The following ANK1 variants were observed in gnomAD, a reference collection of about 807,000 sequenced individuals.
ANK1 encodes ankyrin 1.
A neutral mutation model predicts 210.4 loss-of-function variants in ANK1; 51 were observed. The observed-to-expected ratio is 0.24, with a 90% CI of 0.19 to 0.31. The LOEUF (loss-of-function observed/expected upper bound fraction) is 0.31. Ranked by LOEUF, ANK1 falls within the 10% of genes least tolerant of loss-of-function variation. ANK1 has a pLI of 1.00. For synonymous variants in ANK1, 967 were observed against 1,025.9 expected (o/e 0.94, Z 1.10); for missense variants, 2,051 against 2,504.4 (o/e 0.82, Z 3.86).
At chr8:41,657,437 G>A (rs1806138142) in intron 42 of ANK1, among the ~76,000 whole-genome samples, 2 of 152,200 alleles carry the variant, frequency 1.3e-5, no homozygotes, top group African/African-American at 4.8e-5. Context: ...TTGTATGAAT[G>A]CAAACAATTA....
At chr8:41,882,349 AG>A (rs1247399046) in intron 1 of ANK1, among the ~76,000 whole-genome samples, 1 of 152,102 alleles carries the variant, frequency 6.6e-6, no homozygotes, top group Non-Finnish European at 1.5e-5. Flanking sequence ...GCCACAGTAG[AG>A]GGTTCCAGCT....
intron 1 of ANK1, among the ~76,000 whole-genome samples, chr8:41,819,359 A>C (rs1803832982): frequency 6.6e-6 from 1 of 152,242 alleles, no homozygotes; most frequent in Non-Finnish European, 1.5e-5. Context: ...TTTTCAAAGA[A>C]AGACCCAGAG....
At chr8:41,745,150 G>A (rs11784487) in intron 2 of ANK1, among the ~76,000 whole-genome samples, 36,854 of 151,962 alleles carry the variant, frequency 0.24, 4,945 homozygotes, top group Middle Eastern at 0.35. Context: ...GAAAGGGAGC[G>A]GAGGGAGAAA....
Position 41,797,494 on chromosome 8 carries a change from C to G in ANK1, c.27+18G>C, listed in dbSNP as rs760555719. The G allele has an allele frequency of 3.1e-6, 5 of 1,611,648 alleles. No individual in the cohort carries two copies. Among genetic ancestry groups the G allele is most frequent in the Non-Finnish European group, 4.2e-6 (5 of 1,178,284 alleles). On this transcript the variant is annotated intron_variant, in intron 1 of 42. Transcript: ENST00000289734. The surrounding 1 kb of genome is among the most constrained non-coding windows in gnomAD (Gnocchi z 4.0). ...CCTGACATCTCCCCGTCCACCCGAG[C>G]AGCCGCCCAGTACTCACTTCGCGGA...
At chr8:41,721,684 A>G (rs1199225162) in intron 9 of ANK1, among the ~76,000 whole-genome samples, 1 of 140,140 alleles carries the variant, frequency 7.1e-6, no homozygotes, top group Non-Finnish European at 1.6e-5. Context: ...AAAAAAAAAA[A>G]AGAACCAACC....
chr8:41,797,179 T>G lies in ANK1; in HGVS notation c.27+333A>C, dbSNP rs1184406161. On this transcript the variant is annotated intron_variant, in intron 1 of 42. Coordinates refer to ENST00000289734, the MANE Select transcript of ANK1 (RefSeq NM_000037.4). The surrounding 1 kb of genome is among the most constrained non-coding windows in gnomAD (Gnocchi z 4.0). Reference sequence around the variant, plus strand: ...GACTCAAAGGAAAGCCTCTAAGATCTCAATAGATTTGGACTATAATCCAAA... The same window carrying G: ...GACTCAAAGGAAAGCCTCTAAGATCGCAATAGATTTGGACTATAATCCAAA... Among the ~76,000 whole-genome samples, 2 of 152,096 alleles carry G rather than the reference T, an allele frequency of 1.3e-5. No homozygotes were observed. Among genetic ancestry groups the G allele is most frequent in the Non-Finnish European group, 2.9e-5 (2 of 68,026 alleles).
At chr8:41,766,587 C>T (rs11774972) in intron 1 of ANK1, among the ~76,000 whole-genome samples, 46,648 of 152,112 alleles carry the variant, frequency 0.31, 7,851 homozygotes, top group Middle Eastern at 0.41. Context: ...CCCTGGGGTT[C>T]CCTGTGCTGT....
In ANK1 at chr8:41,690,366, G is replaced by A. The variant is rs1429454021; in HGVS notation, c.3985-20C>T. On this transcript the variant is annotated intron_variant, in intron 32 of 42. Coordinates refer to ENST00000289734, the MANE Select transcript of ANK1 (RefSeq NM_000037.4). Reference sequence around the variant, plus strand: ...CCTCACCTAAACTCAATCACACAAAGGAGAATTCAGGGGCCCTTTTCTAGG... The same window carrying A: ...CCTCACCTAAACTCAATCACACAAAAGAGAATTCAGGGGCCCTTTTCTAGG... The A allele has an allele frequency of 1.9e-6, 3 of 1,614,130 alleles. No individual in the cohort carries two copies. The highest frequency in any genetic ancestry group is 2.5e-6 in the Non-Finnish European group (3 of 1,180,058).
In ANK1 at chr8:41,694,925, G is replaced by T; in HGVS notation, c.3116-122C>A. 2 of 1,159,522 alleles carry T rather than the reference G, an allele frequency of 1.7e-6. No homozygotes were observed. The highest frequency in any genetic ancestry group is 1.3e-6 in the Non-Finnish European group (1 of 793,310). 71.8% of individuals were successfully genotyped at this position (1,159,522 alleles called of 1,614,324 possible). A position where few individuals can be genotyped will look rare whatever the true frequency, so the allele number is the denominator to read the frequency against. On this transcript the variant is annotated intron_variant, in intron 27 of 42. Coordinates refer to ENST00000289734, the MANE Select transcript of ANK1 (RefSeq NM_000037.4). The surrounding 1 kb of genome is among the most constrained non-coding windows in gnomAD (Gnocchi z 5.7). ...CACACACCCTCCCCAGGTGCCGGGCGGCATAGTGGCCAGAAGAAGTGGCCA... is the reference window on the plus strand; with the variant it reads ...CACACACCCTCCCCAGGTGCCGGGCTGCATAGTGGCCAGAAGAAGTGGCCA...
intron 1 of ANK1, among the ~76,000 whole-genome samples, chr8:41,768,051 G>A (rs1367535121): frequency 1.3e-5 from 2 of 152,208 alleles, no homozygotes; most frequent in African/African-American, 4.8e-5. Flanking sequence ...TGACGCTGGC[G>A]GTTAACTAGC....
At position 41,692,828 on chromosome 8, in the gene ANK1, G is replaced by A. The variant is rs1437718522; in HGVS notation, c.3678C>T (p.Ala1226=). Residue 1226 remains alanine (A), a synonymous_variant, in exon 31 of 43, where the codon GCC becomes GCT. Transcript: ENST00000289734. The stretch of plus-strand genomic sequence containing the variant: ...CAGTGAGCTCTTTGTACAGCAGGGT[G>A]GCAAAGTTCACAGCCTCAGCAGTCC... ...CPRTAEAVNF[A]TLLYKELTAV... The A allele has an allele frequency of 5.0e-6, 8 of 1,614,134 alleles. No homozygotes were observed. Among genetic ancestry groups the A allele is most frequent in the Non-Finnish European group, 6.8e-6 (8 of 1,180,034 alleles).
chr8:41,660,376 C>T (rs921541143), intron 42 of ANK1: 56 of 467,350 alleles, frequency 1.2e-4, no homozygotes, highest in Non-Finnish European at 1.8e-4. Flanking sequence ...TGAATGGTAA[C>T]GGCCTGGTTA....
chr8:41,725,627 G>A, intron 6 of ANK1, 134 bp downstream of exon 6: 1 of 1,250,184 alleles, frequency 8.0e-7, no homozygotes. Flanking sequence ...GCGTCCTGGG[G>A]TGAGGGCGCT....
intron 20 of ANK1, among the ~76,000 whole-genome samples, chr8:41,702,621 G>A (rs1039475161): frequency 3.3e-5 from 5 of 152,166 alleles, no homozygotes; most frequent in African/African-American, 9.7e-5. Context: ...CAGAATACTC[G>A]GAAATCACAA....
At chr8:41,671,310 A>G (rs1812204775) in intron 38 of ANK1, among the ~76,000 whole-genome samples, 1 of 152,176 alleles carries the variant, frequency 6.6e-6, no homozygotes, top group Admixed American at 6.5e-5. Flanking sequence ...CAGCTCCGTC[A>G]CATGCAGGCT....
chr8:41,852,276 G>T (rs887125713), intron 1 of ANK1, among the ~76,000 whole-genome samples: 1 of 152,206 alleles, frequency 6.6e-6, no homozygotes, highest in African/African-American at 2.4e-5. Flanking sequence ...CAGATGCTGG[G>T]TCATAAAGGG....
At chr8:41,801,450 T>A (rs1284626902), upstream of ANK1, among the ~76,000 whole-genome samples, 1 of 152,232 alleles carries the variant, frequency 6.6e-6, no homozygotes, top group East Asian at 1.9e-4. Flanking sequence ...ACTGACTTGT[T>A]TTTGAAATTG....
At position 41,663,122 on chromosome 8, in the gene ANK1, G is replaced by C. The variant is rs1229487600; in HGVS notation, c.5478+537C>G. On this transcript the variant is annotated intron_variant, in intron 40 of 42. Transcript: ENST00000289734. ...TGTCTCTCTCTCTCTCTCTGTGTGTGTGTGTGTGTGTGTGTGTGTATTTAT... is the reference window on the plus strand; with the variant it reads ...TGTCTCTCTCTCTCTCTCTGTGTGTCTGTGTGTGTGTGTGTGTGTATTTAT... Among the ~76,000 whole-genome samples, 83 of 150,136 alleles carry C rather than the reference G, an allele frequency of 5.5e-4. No individual in the cohort carries two copies. In the East Asian group the frequency reaches 0.012, roughly 22 times the overall value.
chr8:41,808,947 A>G (rs923648332), intron 1 of ANK1, among the ~76,000 whole-genome samples: 8 of 152,164 alleles, frequency 5.3e-5, no homozygotes, highest in African/African-American at 1.9e-4. Flanking sequence ...CCGTGCTGGC[A>G]AAGGGTATTT....
Sources: gnomAD v4.1 joint callset for allele counts (sites outside exome capture counted in the v4.1 genomes callset) on GRCh38, gnomAD v4.1.1 for gene constraint, Gnocchi (gnomAD v3.1) non-coding constraint, MANE v1.5 for transcripts, NCBI Gene and HGNC (gene_info 2026-07-23, HGNC 2026-07-21) for gene names.